Variants in KALRN observed in about 807,000 individuals in gnomAD.
KALRN encodes kalirin RhoGEF kinase, also known as kalirin.
KALRN carries 70 observed loss-of-function variants against 353.7 expected under a neutral mutation model. The ratio of observed to expected loss-of-function variants is 0.20; its 90% CI spans 0.16 to 0.24. The LOEUF (loss-of-function observed/expected upper bound fraction) is 0.24, where lower values mean the gene tolerates loss of function less well. Among genes scored for constraint, KALRN ranks in the 10% least tolerant of loss-of-function variants. KALRN has a pLI of 1.00. For synonymous variants in KALRN, 1,391 were observed against 1,434.8 expected (o/e 0.97, Z 0.69); for missense variants, 2,791 against 3,756.7 (o/e 0.74, Z 6.72).
intron 1 of KALRN, among the ~76,000 whole-genome samples, chr3:124,129,258 A>G (rs897057646): frequency 6.6e-6 from 1 of 152,130 alleles, no homozygotes; most frequent in Non-Finnish European, 1.5e-5. Flanking sequence ...GTCTATTCAC[A>G]GATCCCAAGG....
chr3:124,251,893 C>T (rs993127517), intron 3 of KALRN, among the ~76,000 whole-genome samples: 1 of 152,204 alleles, frequency 6.6e-6, no homozygotes, highest in Non-Finnish European at 1.5e-5. Context: ...CACCACATCC[C>T]TGTTCCAGGT....
chr3:124,222,812 C>T (rs1041877131), intron 1 of KALRN, among the ~76,000 whole-genome samples: 11 of 152,064 alleles, frequency 7.2e-5, no homozygotes, highest in Non-Finnish European at 1.6e-4. Flanking sequence ...GTCATGTTGC[C>T]TATGCTGGTC....
At chr3:124,487,658 T>C (rs1317329381) in intron 28 of KALRN, among the ~76,000 whole-genome samples, 1 of 152,218 alleles carries the variant, frequency 6.6e-6, no homozygotes, top group Non-Finnish European at 1.5e-5. Flanking sequence ...ATTTTATTAC[T>C]CTGGGATGTC....
chr3:124,269,458 A>T (rs938511943), intron 5 of KALRN, among the ~76,000 whole-genome samples: 3 of 152,114 alleles, frequency 2.0e-5, no homozygotes, highest in Admixed American at 2.0e-4. Flanking sequence ...ACTGTGTGTA[A>T]ATTTACTCAT....
At chr3:124,224,746 G>A (rs982046036) in intron 1 of KALRN, among the ~76,000 whole-genome samples, 2 of 152,192 alleles carry the variant, frequency 1.3e-5, no homozygotes, top group African/African-American at 4.8e-5. Flanking sequence ...AATGAATCTT[G>A]TTAGGGAATT....
chr3:124,395,120 G>GCT lies in KALRN; in HGVS notation c.1963-6_1963-5dup, dbSNP rs147617270. On this transcript the variant is annotated splice_polypyrimidine_tract_variant and intron_variant, in intron 11 of 59. Coordinates refer to ENST00000682506, the MANE Select transcript of KALRN (RefSeq NM_001388419.1). ...CCCATCTTCCCTGAGTGGAATCTCT[G>GCT]CTCTCTCTCTACAGTTGTGGACATG... is the stretch of plus-strand genomic sequence containing the variant. 12 of 1,599,756 alleles carry GCT rather than the reference G, an allele frequency of 7.5e-6. No individual in the cohort carries two copies. In the Admixed American group the frequency reaches 1.2e-4, roughly 16 times the overall value.
chr3:124,694,406 G>A lies in KALRN; in HGVS notation c.7480G>A (p.Val2494Ile). 6.2e-7 allele frequency: 1 copy of A among 1,614,240 alleles called. No homozygotes were observed. Among genetic ancestry groups the A allele is most frequent in the Non-Finnish European group, 8.5e-7 (1 of 1,180,022 alleles). The change falls in exon 53 of 60, where the codon GTC becomes ATC. Residue 2494 changes from valine (V) to isoleucine (I), a missense_variant. Val to Ile is a conservative substitution (Grantham distance 29). This residue lies in a region of KALRN where 1,065 missense variants were observed against 1,156.4 expected (regional missense o/e 0.92). Coordinates refer to ENST00000682506, the MANE Select transcript of KALRN (RefSeq NM_001388419.1). The part of the protein sequence containing the change: ...LGDTVILQCK[V>I]CGRPKPTITW... Reference sequence around the variant, plus strand: ...GGACACAGTGATACTGCAGTGCAAAGTCTGTGGGCGGCCAAAGCCCACCAT... The same window carrying A: ...GGACACAGTGATACTGCAGTGCAAAATCTGTGGGCGGCCAAAGCCCACCAT...
chr3:124,108,439 C>T (rs1920625), intron 1 of KALRN, among the ~76,000 whole-genome samples: 135,033 of 152,248 alleles, frequency 0.89, 60,560 homozygotes, highest in East Asian at 1. Flanking sequence ...ATAATATCTA[C>T]CTGTGGTAGT....
intron 25 of KALRN, among the ~76,000 whole-genome samples, chr3:124,464,021 T>G (rs528814614): frequency 3.3e-5 from 5 of 152,330 alleles, no homozygotes; most frequent in African/African-American, 1.2e-4. Context: ...AATTTCCAGA[T>G]GTAGAAATAT....
intron 13 of KALRN, chr3:124,410,314 C>A (rs776513807): frequency 1.9e-6 from 1 of 527,168 alleles, no homozygotes; most frequent in South Asian, 1.4e-5. Context: ...CAAACAGAAC[C>A]TAAAATCAAA....
Position 124,159,810 on chromosome 3 carries a change from C to A in KALRN, c.74-68180C>A, listed in dbSNP as rs141499829. On this transcript the variant is annotated intron_variant, in intron 1 of 59. Transcript: ENST00000682506. The stretch of plus-strand genomic sequence containing the variant: ...GAACTCTCTCTGGACAATTTAGCAT[C>A]ATTTCCTTCTTAATCCGGTGTTCAT... 9.1e-4 allele frequency among the ~76,000 whole-genome samples: 139 copies of A among 152,052 alleles called. 1 individual carries two copies. The highest frequency in any genetic ancestry group is 6.8e-3 in the Middle Eastern group (2 of 294).
chr3:124,584,797 G>A (rs772400798), intron 34 of KALRN: 5 of 1,590,182 alleles, frequency 3.1e-6, no homozygotes, highest in African/African-American at 2.7e-5. Context: ...CGTGCCATGC[G>A]GGAGCGCTGG....
intron 34 of KALRN, among the ~76,000 whole-genome samples, chr3:124,578,124 C>A (rs2074294757): frequency 6.6e-6 from 1 of 152,186 alleles, no homozygotes; most frequent in South Asian, 2.1e-4. Context: ...TCTTCTTTGT[C>A]TTTTCTCATG....
rs1033577215 is a variant in KALRN at position 124,396,766 on chromosome 3, G to A, written c.2171+1423G>A. 1.4e-4 allele frequency among the ~76,000 whole-genome samples: 21 copies of A among 152,236 alleles called. 1 individual carries two copies. The highest frequency in any genetic ancestry group is 5.1e-4 in the African/African-American group (21 of 41,468). On this transcript the variant is annotated intron_variant, in intron 12 of 59. Transcript: ENST00000682506. ...ATAAGGCTACTTGATGATGGCAAAG[G>A]CAACAATGTGGGTGATGCCTGCTCT... is the stretch of plus-strand genomic sequence containing the variant.
chr3:124,449,924 C>G (rs1259676161), intron 21 of KALRN, among the ~76,000 whole-genome samples: 1 of 152,216 alleles, frequency 6.6e-6, no homozygotes, highest in African/African-American at 2.4e-5. Context: ...TGATATACCA[C>G]TTTTTGTTTA....
intron 1 of KALRN, among the ~76,000 whole-genome samples, chr3:124,034,164 G>GCCCCTCCCTTGGCTCCCCCT (rs1419562664): frequency 1.1e-3 from 174 of 152,256 alleles, no homozygotes; most frequent in Non-Finnish European, 2.0e-3. Context: ...CGGCGTCCCG[G>GCCCCTCCCTTGGCTCCCCCT]CCCCTCCCTT....
intron 34 of KALRN, among the ~76,000 whole-genome samples, chr3:124,582,057 G>C (rs1344757380): frequency 7.0e-6 from 1 of 142,710 alleles, no homozygotes; most frequent in East Asian, 2.0e-4. Context: ...GTCTCACTCT[G>C]TTGCCCAGGC....
chr3:124,123,541 C>T (rs2064285239), intron 1 of KALRN, among the ~76,000 whole-genome samples: 2 of 152,172 alleles, frequency 1.3e-5, no homozygotes, highest in Admixed American at 1.3e-4. Context: ...GTCTTTACAA[C>T]ATAAAAATGC....
intron 6 of KALRN, among the ~76,000 whole-genome samples, chr3:124,304,473 A>G (rs1177007761): frequency 6.6e-6 from 1 of 152,226 alleles, no homozygotes; most frequent in Non-Finnish European, 1.5e-5. Context: ...GAAGATCTAT[A>G]TGTATTAAAT....
Sources: allele counts gnomAD v4.1 joint callset (sites outside exome capture counted in the v4.1 genomes callset), GRCh38; gene constraint gnomAD v4.1.1; regional missense constraint gnomAD v4.1.1; transcripts MANE v1.5; gene names NCBI Gene and HGNC (gene_info 2026-07-23, HGNC 2026-07-21).